The following LYST variants were observed in gnomAD, a reference collection of about 807,000 sequenced individuals.
The protein encoded by LYST is lysosomal trafficking regulator.
In LYST, 192 loss-of-function variants were observed where a neutral mutation model predicts 413.6. That is an observed-to-expected ratio of 0.46 (90% confidence interval 0.41 to 0.52). The LOEUF (loss-of-function observed/expected upper bound fraction) is 0.52. Ranked by LOEUF, LYST falls within the 20% of genes least tolerant of loss-of-function variation. The pLI, the probability that LYST is intolerant of heterozygous loss-of-function variation, is 0.00. For synonymous variants in LYST, 1,525 were observed against 1,567.3 expected, an observed-to-expected ratio of 0.97 and a Z score of 0.64; for missense variants, 3,815 against 4,499.9, an observed-to-expected ratio of 0.85 and a Z score of 4.35.
intron 31 of LYST, among the ~76,000 whole-genome samples, chr1:235,740,459 A>C (rs916425276): frequency 6.6e-6 from 1 of 152,038 alleles, no homozygotes; most frequent in African/African-American, 2.4e-5. Flanking sequence ...TACTGTCCTG[A>C]ATTCTATCGT....
chr1:235,753,305 T>C (rs2103316148), intron 25 of LYST, 31 bp from the exon 26 acceptor site: 1 of 1,258,098 alleles, frequency 7.9e-7, no homozygotes, highest in Non-Finnish European at 1.2e-6. Context: ...AAGAGCACAT[T>C]AGAAACAATC....
intron 50 of LYST, among the ~76,000 whole-genome samples, chr1:235,667,392 C>T (rs1658580967): frequency 3.3e-5 from 5 of 152,202 alleles, no homozygotes; most frequent in Non-Finnish European, 7.3e-5. Flanking sequence ...TCACTGATTA[C>T]ATTTTCACAG....
In LYST at chr1:235,674,402, T is replaced by TAAA. The variant is rs112302922; in HGVS notation, c.11038+2686_11038+2688dup. 7.9e-6 allele frequency among the ~76,000 whole-genome samples: 1 copy of TAAA among 127,004 alleles called. No homozygotes were observed. 83.3% of individuals were successfully genotyped at this position (127,004 alleles called of 152,430 possible). ...ATCAACCAAATAGAAAGAACAATCGTAAAAAAAAAAAAAAAAGTGTCCCCC... is the reference window on the plus strand; with the variant it reads ...ATCAACCAAATAGAAAGAACAATCGTAAAAAAAAAAAAAAAAAAAGTGTCCCCC... On this transcript the variant is annotated intron_variant, in intron 50 of 52. Coordinates refer to ENST00000389793, the MANE Select transcript of LYST (RefSeq NM_000081.4). The surrounding 1 kb of genome is among the most constrained non-coding windows in gnomAD (Gnocchi z 4.1).
At chr1:235,680,954 C>CATTT (rs367716348) in intron 48 of LYST, among the ~76,000 whole-genome samples, 1 of 152,248 alleles carries the variant, frequency 6.6e-6, no homozygotes, top group East Asian at 1.9e-4. Context: ...GCAACCCATA[C>CATTT]ATTTATTCAT....
intron 3 of LYST, among the ~76,000 whole-genome samples, chr1:235,826,912 G>A (rs1675395530): frequency 6.6e-6 from 1 of 151,926 alleles, no homozygotes; most frequent in Non-Finnish European, 1.5e-5. Flanking sequence ...CGAACTCCAG[G>A]CCTCAAGTAA....
In LYST at chr1:235,809,454, A is replaced by G. The variant is rs1673215728; in HGVS notation, c.1364T>C (p.Leu455Pro). Residue 455 changes from leucine (L) to proline (P), a missense_variant, in exon 5 of 53, where the codon CTG becomes CCG. This residue lies in a region of LYST where 1,648 missense variants were observed against 1,810.3 expected (regional missense o/e 0.91). Coordinates refer to ENST00000389793, the MANE Select transcript of LYST (RefSeq NM_000081.4). The surrounding 1 kb of genome is among the most constrained non-coding windows in gnomAD (Gnocchi z 4.0). ...FETAVLQMEW[L>P]VLRDGVPPEA... ...GGGAGGAACTCCATCTCTTAAAACC[A>G]GCCATTCCATTTGAAGAACTGCTGT... 1.2e-6 allele frequency: 2 copies of G among 1,614,034 alleles called. No individual in the cohort carries two copies. The highest frequency in any genetic ancestry group is 1.7e-6 in the Non-Finnish European group (2 of 1,179,980).
Position 235,807,562 on chromosome 1 carries a change from T to C in LYST, c.2364-790A>G, listed in dbSNP as rs77341658. Among the ~76,000 whole-genome samples, 911 of 152,276 alleles carry C rather than the reference T, an allele frequency of 6.0e-3. 4 individuals carry two copies. The highest frequency in any genetic ancestry group is 8.9e-3 in the Non-Finnish European group (604 of 68,022). ...CTGTAAGGCATTGATTTAACATCAA[T>C]AATAGTTTTAAAGTAGTTGTGCTAA... On this transcript the variant is annotated intron_variant, in intron 5 of 52. Transcript: ENST00000389793.
At position 235,810,464 on chromosome 1, in the gene LYST, A is replaced by G. The variant is rs970796266; in HGVS notation, c.354T>C (p.Thr118=). ...KEKNSSSQRS[T]QEKLHLEGSA... Reference sequence around the variant, plus strand: ...TTCCTTCTAAATGTAATTTTTCCTGAGTGGATCTTTGTGAACTTGAGTTCT... The same window carrying G: ...TTCCTTCTAAATGTAATTTTTCCTGGGTGGATCTTTGTGAACTTGAGTTCT... The change falls in exon 5 of 53, where the codon ACT becomes ACC. Residue 118 remains threonine (T), a synonymous_variant. Transcript: ENST00000389793. The G allele has an allele frequency of 1.9e-6, 3 of 1,610,720 alleles. No individual in the cohort carries two copies. The African/African-American group carries it at 4.0e-5, about 22-fold the overall frequency.
intron 3 of LYST, chr1:235,827,936 A>G (rs1260077854): frequency 1.7e-5 from 8 of 478,954 alleles, no homozygotes; most frequent in African/African-American, 1.5e-4. Flanking sequence ...ATAAATAAAT[A>G]ACCTGACCTT....
At chr1:235,751,513 C>T (rs574445673) in intron 27 of LYST, 151 bp from the exon 28 acceptor site, 1 of 669,602 alleles carries the variant, frequency 1.5e-6, no homozygotes, top group African/African-American at 1.8e-5. Flanking sequence ...TTTTTAAATT[C>T]TTGTTAAAAG....
chr1:235,765,332 C>G (rs1276970301), intron 21 of LYST, among the ~76,000 whole-genome samples: 1 of 152,138 alleles, frequency 6.6e-6, no homozygotes, highest in Non-Finnish European at 1.5e-5. Context: ...TTCTGTTATC[C>G]TGTCTCTCAC....
chr1:235,880,479 C>A (rs1245372589), intron 1 of LYST, among the ~76,000 whole-genome samples: 1 of 152,206 alleles, frequency 6.6e-6, no homozygotes, highest in Non-Finnish European at 1.5e-5. Context: ...AGTGACTAAA[C>A]ACATCTTTGC....
intron 1 of LYST, among the ~76,000 whole-genome samples, chr1:235,851,182 G>A (rs1186513509): frequency 3.0e-5 from 4 of 132,762 alleles, no homozygotes; most frequent in African/African-American, 1.1e-4. Flanking sequence ...GTATGTATAT[G>A]TGTGTGTATA....
intron 48 of LYST, among the ~76,000 whole-genome samples, chr1:235,684,254 G>A (rs1419714565): frequency 6.6e-6 from 1 of 151,868 alleles, no homozygotes; most frequent in African/African-American, 2.4e-5. Context: ...AACCTGTACT[G>A]CACACTGTGT....
chr1:235,849,238 A>G (rs1678245179), intron 1 of LYST, among the ~76,000 whole-genome samples: 1 of 152,194 alleles, frequency 6.6e-6, no homozygotes, highest in African/African-American at 2.4e-5. Context: ...AATGTGATAC[A>G]CCACATAAAC....
At chr1:235,763,924 G>C (rs772889025) in intron 21 of LYST, among the ~76,000 whole-genome samples, 1 of 152,052 alleles carries the variant, frequency 6.6e-6, no homozygotes, top group Admixed American at 6.6e-5. Flanking sequence ...GCTCTCTCTC[G>C]AATGTCAACT....
At chr1:235,785,852 A>G (rs1670359531) in intron 14 of LYST, among the ~76,000 whole-genome samples, 1 of 152,214 alleles carries the variant, frequency 6.6e-6, no homozygotes, top group African/African-American at 2.4e-5. Context: ...TATAGTTCCT[A>G]CAGGCTAAAA....
chr1:235,675,832 T>C (rs1659341415), intron 50 of LYST, among the ~76,000 whole-genome samples: 1 of 152,216 alleles, frequency 6.6e-6, no homozygotes, highest in South Asian at 2.1e-4. Context: ...ACAATTGAAC[T>C]GCATGGTGGG....
intron 45 of LYST, among the ~76,000 whole-genome samples, chr1:235,701,922 A>G (rs563201037): frequency 6.6e-6 from 1 of 152,340 alleles, no homozygotes; most frequent in East Asian, 1.9e-4. Flanking sequence ...TCTGTCTTAC[A>G]TAAAGTAATA....
Sources: allele counts gnomAD v4.1 joint callset (sites outside exome capture counted in the v4.1 genomes callset), GRCh38; gene constraint gnomAD v4.1.1; regional missense constraint gnomAD v4.1.1; non-coding constraint Gnocchi (gnomAD v3.1); transcripts MANE v1.5; gene names NCBI Gene and HGNC (gene_info 2026-07-23, HGNC 2026-07-21).